TBX1: variants seen among roughly 807,000 people sequenced by gnomAD.
TBX1 encodes the protein T-box transcription factor 1, also known as T-box transcription factor TBX1.
In TBX1, 16 loss-of-function variants were observed where a neutral mutation model predicts 40.8. The ratio of observed to expected loss-of-function variants is 0.39; its 90% confidence interval spans 0.27 to 0.60. The LOEUF is 0.60. Ranked by LOEUF, TBX1 falls within the 20% of genes least tolerant of loss-of-function variation. TBX1 has a pLI of 0.51. For synonymous variants in TBX1, 403 were observed against 336.8 expected, an observed-to-expected ratio of 1.20 and a Z score of -2.15; for missense variants, 755 against 728.5, an observed-to-expected ratio of 1.04 and a Z score of -0.42.
exon 9 of TBX1, chr22:19,779,503 T>G (rs1937117824): frequency 1.9e-6 from 3 of 1,574,334 alleles, no homozygotes; most frequent in Non-Finnish European, 2.6e-6. Flanking sequence ...CAGTGACTTG[T>G]TCAGTAAATT....
intron 4 of TBX1, 124 bp from the exon 5 acceptor site, chr22:19,765,630 ACTGG>A: frequency 9.9e-7 from 1 of 1,013,870 alleles, no homozygotes; most frequent in Non-Finnish European, 1.5e-6. Flanking sequence ...GCAGACGTGG[ACTGG>A]TTCTTGTCAG....
chr22:19,762,045 G>A (rs911305836), intron 1 of TBX1, among the ~76,000 whole-genome samples: 10 of 152,270 alleles, frequency 6.6e-5, no homozygotes, highest in Non-Finnish European at 1.0e-4. Context: ...CTCAGGGCCT[G>A]TTTGCAAAGC....
At chr22:19,758,907 G>A (rs570526602), upstream of TBX1, among the ~76,000 whole-genome samples, 1 of 152,198 alleles carries the variant, frequency 6.6e-6, no homozygotes, top group South Asian at 2.1e-4. Flanking sequence ...GTCCTGCTGC[G>A]CCAAGGAACA....
intron 8 of TBX1, among the ~76,000 whole-genome samples, chr22:19,778,110 G>C (rs1937094677): frequency 6.6e-6 from 1 of 151,910 alleles, no homozygotes; most frequent in African/African-American, 2.4e-5. Flanking sequence ...CTCATTTCAA[G>C]AGACAGGATC....
chr22:19,763,091 G>A (rs550430981), intron 1 of TBX1, 150 bp from the exon 2 acceptor site: 69 of 699,638 alleles, frequency 9.9e-5, no homozygotes, highest in African/African-American at 9.5e-4. Flanking sequence ...GAGCAGCTAA[G>A]CCAGGAAAGA....
In TBX1 at chr22:19,761,340, C is replaced by T. The variant is rs996505972; in HGVS notation, c.437+60C>T. The T allele has an allele frequency of 2.7e-6, 4 of 1,474,864 alleles. No individual in the cohort carries two copies. The African/African-American group carries it at 5.9e-5, about 22-fold the overall frequency. 91.4% of individuals were successfully genotyped at this position (1,474,864 alleles called of 1,614,324 possible). ...CACGTGCTGCCGCCAGGGCTGCGGG[C>T]CTCCGCCTGATCCGCGCGAGCGGGG... On this transcript the variant is annotated intron_variant, in intron 1 of 6. Transcript: ENST00000649276.
chr22:19,778,438 TC>T, intron 8 of TBX1, among the ~76,000 whole-genome samples: 1 of 146,046 alleles, frequency 6.8e-6, no homozygotes. Flanking sequence ...CTTTTCTTCT[TC>T]TTTTTTTTTT....
At chr22:19,766,050 A>T (rs1318526114) in intron 6 of TBX1, 48 bp downstream of exon 6, 2 of 1,395,936 alleles carry the variant, frequency 1.4e-6, no homozygotes, top group African/African-American at 1.5e-5. Flanking sequence ...TGCGCGCTCT[A>T]CCCCGGGCCG....
intron 8 of TBX1, among the ~76,000 whole-genome samples, chr22:19,778,780 G>A (rs113044001): frequency 2.6e-5 from 4 of 152,172 alleles, no homozygotes; most frequent in East Asian, 1.9e-4. Flanking sequence ...TTAGCTGGAC[G>A]TGGCGGCAGG....
chr22:19,759,674 G>A, upstream of TBX1: 1 of 1,612,508 alleles, frequency 6.2e-7, no homozygotes, highest in Non-Finnish European at 8.5e-7. Flanking sequence ...CAGGGACATG[G>A]AAGGTGAGCC....
chr22:19,776,857 G>T (rs555556501), intron 8 of TBX1, among the ~76,000 whole-genome samples: 1 of 152,228 alleles, frequency 6.6e-6, no homozygotes, highest in African/African-American at 2.4e-5. Flanking sequence ...AAGGAAGCAG[G>T]CTCGGGAGGT....
At chr22:19,777,052 T>A (rs1228379878) in intron 8 of TBX1, among the ~76,000 whole-genome samples, 4 of 149,558 alleles carry the variant, frequency 2.7e-5, no homozygotes, top group Admixed American at 1.4e-4. Flanking sequence ...TTTTAAAAAA[T>A]TTTAATTTAA....
At chr22:19,759,565 G>A (rs1398214354), upstream of TBX1, 9 of 1,586,338 alleles carry the variant, frequency 5.7e-6, no homozygotes, top group Non-Finnish European at 6.8e-6. Flanking sequence ...CAGCGGAGGC[G>A]GCGGAGCGCA....
upstream of TBX1, among the ~76,000 whole-genome samples, chr22:19,758,303 G>C (rs1246168009): frequency 6.6e-6 from 1 of 151,732 alleles, no homozygotes; most frequent in Non-Finnish European, 1.5e-5. Flanking sequence ...CAGCACCAGG[G>C]AGGCTCCAGC....
In TBX1 at chr22:19,767,312, A is replaced by G; in HGVS notation, c.*445A>G. 4 of 990,230 alleles carry G rather than the reference A, an allele frequency of 4.0e-6. No individual in the cohort carries two copies. The highest frequency in any genetic ancestry group is 4.8e-6 in the Non-Finnish European group (4 of 833,106). 61.3% of individuals were successfully genotyped at this position (990,230 alleles called of 1,614,324 possible). The stretch of plus-strand genomic sequence containing the variant: ...GATACCGCCCCGGCGCCGACTTGAT[A>G]AACGGTTTCGCCTCTTTTGGAAGCC... On this transcript the variant is annotated 3_prime_UTR_variant, in exon 7 of 7. Coordinates refer to ENST00000649276, the MANE Select transcript of TBX1 (RefSeq NM_001379200.1).
In TBX1 at chr22:19,763,560, C is replaced by T; in HGVS notation, c.539+218C>T. 3 of 586,770 alleles carry T rather than the reference C, an allele frequency of 5.1e-6. No individual in the cohort carries two copies. In the South Asian group the frequency reaches 5.8e-5, roughly 11 times the overall value. The allele number at this position is 586,770 out of a possible 1,614,324, so 36.3% of individuals were successfully genotyped here. ...CAGAACCCGCCTCTGGAGCCGCAGG[C>T]TGCAGACAGCTCTTGCTCCCCTGGG... On this transcript the variant is annotated intron_variant, in intron 2 of 6. Transcript: ENST00000649276.
At chr22:19,782,913 G>A (rs180794829), downstream of TBX1, 6 of 1,613,794 alleles carry the variant, frequency 3.7e-6, no homozygotes, top group East Asian at 1.3e-4. Context: ...TGGACTCCAG[G>A]GCTGGTCACA....
At chr22:19,776,576 C>T (rs942456787) in intron 8 of TBX1, among the ~76,000 whole-genome samples, 1 of 152,152 alleles carries the variant, frequency 6.6e-6, no homozygotes, top group African/African-American at 2.4e-5. Flanking sequence ...GGAGCTGGGT[C>T]TCCCACTCAG....
Position 19,761,081 on chromosome 22 carries a change from C to A in TBX1, c.238C>A (p.Pro80Thr). 9.8e-7 allele frequency: 1 copy of A among 1,022,638 alleles called. No homozygotes were observed. The highest frequency in any genetic ancestry group is 1.2e-6 in the Non-Finnish European group (1 of 841,248). The allele number at this position is 1,022,638 out of a possible 1,614,324, so 63.3% of individuals were successfully genotyped here. A position where few individuals can be genotyped will look rare whatever the true frequency, so the allele number is the denominator to read the frequency against. ...PGPPPPPHAY[P>T]FAPAAGAATS... Reference sequence around the variant, plus strand: ...CCCGCCGCCGCCGCCGCACGCCTACCCGTTTGCGCCGGCCGCCGGGGCCGC... The same window carrying A: ...CCCGCCGCCGCCGCCGCACGCCTACACGTTTGCGCCGGCCGCCGGGGCCGC... The change falls in exon 1 of 7, where the codon CCG (proline) becomes ACG (threonine). Residue 80 changes from proline (P) to threonine (T), a missense_variant. Transcript: ENST00000649276.
Sources: gnomAD v4.1 joint callset for allele counts (sites outside exome capture counted in the v4.1 genomes callset) on GRCh38, gnomAD v4.1.1 for gene constraint, MANE v1.5 for transcripts, NCBI Gene and HGNC (gene_info 2026-07-23, HGNC 2026-07-21) for gene names.